MGAT3: variants seen among roughly 807,000 people sequenced by gnomAD.
MGAT3 encodes GlcNAc-T III.
Under a neutral mutation model 29.8 loss-of-function variants are expected in MGAT3, and 9 were observed. That is an observed-to-expected ratio of 0.30 (90% CI 0.18 to 0.53). MGAT3 has a LOEUF of 0.53. Ranked by LOEUF, MGAT3 falls within the 20% of genes least tolerant of loss-of-function variation. The pLI, the probability that MGAT3 is intolerant of heterozygous loss-of-function variation, is 0.96. For synonymous variants in MGAT3, 397 were observed against 348.9 expected (o/e 1.14, Z -1.54); for missense variants, 557 against 769.5 (o/e 0.72, Z 3.27).
chr22:39,469,657 T>C (rs756538808), intron 1 of MGAT3, among the ~76,000 whole-genome samples: 1 of 152,100 alleles, frequency 6.6e-6, no homozygotes. Context: ...TGGGACAAAG[T>C]CCCCAATGCT....
rs764120128 is a variant in MGAT3, at chr22:39,487,939, C to A, written c.592C>A (p.Arg198=). 2.5e-6 allele frequency: 4 copies of A among 1,609,080 alleles called. No individual in the cohort carries two copies. Among genetic ancestry groups the A allele is most frequent in the African/African-American group, 2.7e-5 (2 of 74,904 alleles). ...GTACTCCAACCTGCCCACCAAGGAGCGGCTGGTGCCCAGGGAGGTGCCGCG... is the reference window on the plus strand; with the variant it reads ...GTACTCCAACCTGCCCACCAAGGAGAGGCTGGTGCCCAGGGAGGTGCCGCG... The part of the protein sequence containing the change: ...VQYSNLPTKE[R]LVPREVPRRV... Residue 198 remains arginine (R), a synonymous_variant, in exon 2 of 2, where the codon CGG becomes AGG. Transcript: ENST00000341184. This position sits in a 1 kb window ranked among gnomAD's most constrained non-coding sequence, Gnocchi z 5.7.
chr22:39,487,325 CCTGT>C lies in MGAT3; in HGVS notation c.-1-19_-1-16del. Reference sequence around the variant, plus strand: ...GAGCCTGGGCTGCCCTGATGAGTCTCCTGTCTCTCTCTCTCCCGCAGGATGAAGA... The same window carrying C: ...GAGCCTGGGCTGCCCTGATGAGTCTCCTCTCTCTCTCCCGCAGGATGAAGA... On this transcript the variant is annotated intron_variant, in intron 1 of 1. Coordinates refer to ENST00000341184, the MANE Select transcript of MGAT3 (RefSeq NM_002409.5). This position sits in a 1 kb window ranked among gnomAD's most constrained non-coding sequence, Gnocchi z 5.7. 1.2e-6 allele frequency: 2 copies of C among 1,600,936 alleles called. No homozygotes were observed. The highest frequency in any genetic ancestry group is 1.7e-6 in the Non-Finnish European group (2 of 1,174,270).
chr22:39,484,291 T>G (rs1929209269), intron 1 of MGAT3, among the ~76,000 whole-genome samples: 1 of 152,196 alleles, frequency 6.6e-6, no homozygotes, highest in African/African-American at 2.4e-5. Flanking sequence ...TTGAGCATGC[T>G]GCATGCCAGG....
At chr22:39,459,103 T>A (rs2145706261) in intron 1 of MGAT3, among the ~76,000 whole-genome samples, 1 of 150,534 alleles carries the variant, frequency 6.6e-6, no homozygotes, top group South Asian at 2.1e-4. Context: ...AGATGGAGCC[T>A]CACTCTGTCG....
chr22:39,488,913 G>A lies in MGAT3; in HGVS notation c.1566G>A (p.Pro522=). 5.6e-6 allele frequency: 9 copies of A among 1,603,926 alleles called. No individual in the cohort carries two copies. The highest frequency in any genetic ancestry group is 3.4e-5 in the Admixed American group (2 of 58,772). ...GWRHRGPEGR[P]PARGKLDEAE... is the part of the protein sequence containing the mutation. The stretch of plus-strand genomic sequence containing the variant: ...GCCACAGGGGTCCCGAGGGAAGGCC[G>A]CCCGCCCGGGGCAAACTGGACGAGG... The change falls in exon 2 of 2, where the codon CCG becomes CCA. Residue 522 remains proline (P), a synonymous_variant. Coordinates refer to ENST00000341184, the MANE Select transcript of MGAT3 (RefSeq NM_002409.5).
rs749284700 is a variant in MGAT3 at position 39,488,455 on chromosome 22, C to T, written c.1108C>T (p.Leu370=). 8.1e-6 allele frequency: 13 copies of T among 1,612,944 alleles called. 1 individual carries two copies. In the East Asian group the frequency reaches 2.7e-4, roughly 33 times the overall value. ...EVVSGCTVDM[L]QAVYGLDGIR... The stretch of plus-strand genomic sequence containing the variant: ...GGTGTCAGGCTGCACGGTGGACATG[C>T]TGCAGGCAGTGTATGGGCTGGACGG... Residue 370 remains leucine, a synonymous_variant, in exon 2 of 2, where the codon CTG becomes TTG. Coordinates refer to ENST00000341184, the MANE Select transcript of MGAT3 (RefSeq NM_002409.5).
intron 1 of MGAT3, among the ~76,000 whole-genome samples, chr22:39,464,920 T>C (rs997615280): frequency 6.7e-6 from 1 of 150,242 alleles, no homozygotes; most frequent in Non-Finnish European, 1.5e-5. Flanking sequence ...CTGGCTAATT[T>C]TTTTTTTCGT....
intron 1 of MGAT3, among the ~76,000 whole-genome samples, chr22:39,471,144 C>A (rs1007736722): frequency 2.0e-5 from 3 of 152,174 alleles, no homozygotes; most frequent in Non-Finnish European, 4.4e-5. Flanking sequence ...TCTCTGGGAG[C>A]CCTGGGGGTG....
Position 39,488,492 on chromosome 22 carries a change from G to A in MGAT3, c.1145G>A (p.Arg382His), listed in dbSNP as rs1476509292. Residue 382 changes from arginine (R) to histidine (H), a missense_variant, in exon 2 of 2, where the codon CGC (arginine) becomes CAC (histidine). Around this residue, in one of 3 missense-constraint regions of MGAT3, gnomAD observed 243 missense variants for 444.0 expected, o/e 0.55. Transcript: ENST00000341184. ...TATGGGCTGGACGGCATCCGCCTGC[G>A]CCGCCGCCAGTACTACACCATGCCC... The part of the protein sequence containing the change: ...AVYGLDGIRL[R>H]RRQYYTMPNF... The A allele has an allele frequency of 3.1e-6, 5 of 1,612,708 alleles. No individual in the cohort carries two copies. The highest frequency in any genetic ancestry group is 3.4e-6 in the Non-Finnish European group (4 of 1,180,006).
chr22:39,469,620 C>T (rs1928751373), intron 1 of MGAT3, among the ~76,000 whole-genome samples: 2 of 152,364 alleles, frequency 1.3e-5, no homozygotes, highest in Admixed American at 6.5e-5. Context: ...CCAACAACCC[C>T]TCCACTGCCA....
intron 1 of MGAT3, among the ~76,000 whole-genome samples, chr22:39,479,888 A>G (rs961551237): frequency 3.9e-5 from 6 of 152,154 alleles, no homozygotes; most frequent in Non-Finnish European, 8.8e-5. Context: ...TAGGGAGCTT[A>G]TATGCCAGCT....
chr22:39,470,935 G>A (rs1166830403), intron 1 of MGAT3, among the ~76,000 whole-genome samples: 2 of 152,106 alleles, frequency 1.3e-5, no homozygotes, highest in Non-Finnish European at 2.9e-5. Context: ...AGCAGCCCTC[G>A]CCCCACGCTG....
At chr22:39,482,877 C>T (rs1929166531) in intron 1 of MGAT3, among the ~76,000 whole-genome samples, 1 of 152,178 alleles carries the variant, frequency 6.6e-6, no homozygotes, top group African/African-American at 2.4e-5. Context: ...CTGAAGGCTC[C>T]AGTGACTGAG....
chr22:39,468,379 C>T (rs1418777824), intron 1 of MGAT3, among the ~76,000 whole-genome samples: 1 of 152,170 alleles, frequency 6.6e-6, no homozygotes, highest in African/African-American at 2.4e-5. Context: ...GCAGTGAACA[C>T]ACAGCCGTGA....
At chr22:39,463,084 G>A (rs986506858) in intron 1 of MGAT3, among the ~76,000 whole-genome samples, 13 of 152,166 alleles carry the variant, frequency 8.5e-5, no homozygotes, top group African/African-American at 2.9e-4. Flanking sequence ...TGGCAGGCCT[G>A]GTGGTGGATG....
intron 1 of MGAT3, among the ~76,000 whole-genome samples, chr22:39,482,445 AC>A (rs1313613950): frequency 6.6e-6 from 1 of 152,166 alleles, no homozygotes; most frequent in Non-Finnish European, 1.5e-5. Flanking sequence ...ACCAGAACTT[AC>A]GTTCAAGTCC....
chr22:39,465,621 A>C (rs1318144331), intron 1 of MGAT3, among the ~76,000 whole-genome samples: 1 of 152,124 alleles, frequency 6.6e-6, no homozygotes, highest in Admixed American at 6.5e-5. Flanking sequence ...AATGAGGTTT[A>C]TTTTGGCACC....
rs1471170304 is a variant in MGAT3, at chr22:39,488,245, G to A, written c.898G>A (p.Gly300Ser). 8 of 1,611,524 alleles carry A rather than the reference G, an allele frequency of 5.0e-6. No homozygotes were observed. The highest frequency in any genetic ancestry group is 2.2e-5 in the South Asian group (2 of 91,024). The change falls in exon 2 of 2, where the codon GGC becomes AGC. Residue 300 changes from glycine (G) to serine (S), a missense_variant. By Grantham distance (56) the Gly-to-Ser change is moderately conservative. Around this residue, in one of 3 missense-constraint regions of MGAT3, gnomAD observed 243 missense variants for 444.0 expected, o/e 0.55. Transcript: ENST00000341184. Reference sequence around the variant, plus strand: ...CCTGCGCACCTTCCTCACCCAGGACGGCGTCTCGCGGCTGCGCAACCTGCG... The same window carrying A: ...CCTGCGCACCTTCCTCACCCAGGACAGCGTCTCGCGGCTGCGCAACCTGCG... ...DYLRTFLTQDGVSRLRNLRPD... is the reference protein window; with the variant it reads ...DYLRTFLTQDSVSRLRNLRPD...
chr22:39,459,082 T>C (rs79795983), intron 1 of MGAT3, among the ~76,000 whole-genome samples: 15 of 37,380 alleles, frequency 4.0e-4, no homozygotes, highest in African/African-American at 5.3e-4. Context: ...CTTTTTTTTT[T>C]TTTTTTTTTG....
Sources: allele counts gnomAD v4.1 joint callset (sites outside exome capture counted in the v4.1 genomes callset), GRCh38; gene constraint gnomAD v4.1.1; regional missense constraint gnomAD v4.1.1; non-coding constraint Gnocchi (gnomAD v3.1); transcripts MANE v1.5; gene names NCBI Gene and HGNC (gene_info 2026-07-23, HGNC 2026-07-21).